The following ANKS6 variants were observed in gnomAD, a reference collection of about 807,000 sequenced individuals.
ANKS6 encodes the protein ankyrin repeat and SAM domain-containing protein 6.
Under a neutral mutation model 77.9 loss-of-function variants are expected in ANKS6, and 47 were observed. The ratio of observed to expected loss-of-function variants is 0.60; its 90% confidence interval spans 0.48 to 0.77. The LOEUF (loss-of-function observed/expected upper bound fraction) is 0.77, where lower values mean the gene tolerates loss of function less well. Ranked by LOEUF, ANKS6 falls within the 30% of genes least tolerant of loss-of-function variation. The probability of loss-of-function intolerance (pLI) is 0.00; values close to 1 mark genes in which losing one functional copy is unlikely to be tolerated. For synonymous variants in ANKS6, 488 were observed against 501.7 expected (o/e 0.97, Z 0.37); for missense variants, 1,150 against 1,159.1 (o/e 0.99, Z 0.11).
chr9:98,772,486 G>C (rs79151003), intron 9 of ANKS6, among the ~76,000 whole-genome samples: 2,170 of 152,290 alleles, frequency 0.014, 49 homozygotes, highest in African/African-American at 0.05. Flanking sequence ...CATGCAGTTT[G>C]TGGTGACTTG....
chr9:98,786,809 G>T (rs1296593906), intron 2 of ANKS6, among the ~76,000 whole-genome samples: 2 of 152,156 alleles, frequency 1.3e-5, no homozygotes, highest in African/African-American at 4.8e-5. Flanking sequence ...CTTAGTGTTG[G>T]CTGCTAAGCA....
At position 98,796,337 on chromosome 9, in the gene ANKS6, G is replaced by A. The variant is rs1422061469; in HGVS notation, c.155C>T (p.Ala52Val). 16 of 1,187,096 alleles carry A rather than the reference G, an allele frequency of 1.3e-5. No individual in the cohort carries two copies. Among genetic ancestry groups the A allele is most frequent in the Middle Eastern group, 3.4e-4 (1 of 2,968 alleles). The allele number at this position is 1,187,096 out of a possible 1,614,324, so 73.5% of individuals were successfully genotyped here. A position where few individuals can be genotyped will look rare whatever the true frequency, so the allele number is the denominator to read the frequency against. Residue 52 changes from alanine to valine, a missense_variant, in exon 1 of 15, where the codon GCC becomes GTC. Physicochemically the swap from Ala to Val is moderately conservative, Grantham distance 64 (BLOSUM62 0). Transcript: ENST00000353234. ...TGCGGCCCCGGGCCCGGCCACCTCG[G>A]CCCCCGCCGGCTCCGCGCCCGCCTC... ...EPEAGAEPAGAEVAGPGAAAA... is the reference protein window; with the variant it reads ...EPEAGAEPAGVEVAGPGAAAA...
intron 5 of ANKS6, among the ~76,000 whole-genome samples, chr9:98,781,745 G>A (rs1026258170): frequency 5.3e-5 from 8 of 152,190 alleles, no homozygotes; most frequent in African/African-American, 1.7e-4. Flanking sequence ...GGTGACTTGT[G>A]ACTGCAGAGG....
intron 9 of ANKS6, among the ~76,000 whole-genome samples, chr9:98,772,835 C>T (rs1833713178): frequency 6.6e-6 from 1 of 152,232 alleles, no homozygotes; most frequent in African/African-American, 2.4e-5. Context: ...CCCTACCACA[C>T]ACGGTCACCT....
At chr9:98,790,047 G>A in intron 2 of ANKS6, 57 bp downstream of exon 2, 2 of 1,515,178 alleles carry the variant, frequency 1.3e-6, no homozygotes, top group Non-Finnish European at 1.8e-6. Flanking sequence ...CTCAGCTTAA[G>A]CCACATAAAC....
At position 98,783,975 on chromosome 9, in the gene ANKS6, G is replaced by C; in HGVS notation, c.1090C>G (p.Leu364Val). Residue 364 changes from leucine (L) to valine (V), a missense_variant, in exon 4 of 15, where the codon CTC (leucine) becomes GTC (valine). Coordinates refer to ENST00000353234, the MANE Select transcript of ANKS6 (RefSeq NM_173551.5). ...GACCCATGGTAGGTTGCCTGCATGA[G>C]GGCCGTCCAGCCATGCACGCTGTCC... Reference protein sequence around the residue: ...KQDSVHGWTALMQATYHGNKE... With the variant: ...KQDSVHGWTAVMQATYHGNKE... The C allele has an allele frequency of 1.2e-6, 2 of 1,600,960 alleles. No individual in the cohort carries two copies. Among genetic ancestry groups the C allele is most frequent in the Non-Finnish European group, 1.7e-6 (2 of 1,174,840 alleles).
At position 98,733,948 on chromosome 9, in the gene ANKS6, C is replaced by T; in HGVS notation, c.*2571G>A. 1.0e-6 allele frequency: 1 copy of T among 985,314 alleles called. No individual in the cohort carries two copies. The highest frequency in any genetic ancestry group is 4.7e-5 in the South Asian group (1 of 21,268). The allele number at this position is 985,314 out of a possible 1,614,324, so 61.0% of individuals were successfully genotyped here. On this transcript the variant is annotated 3_prime_UTR_variant, in exon 15 of 15. Transcript: ENST00000353234. ...AGGTGCTTCTTGTGGGGGGAACAGC[C>T]ACAGGCAGGCTGGGGACACGTGTGG...
Position 98,736,102 on chromosome 9 carries a change from C to T in ANKS6, c.*417G>A. On this transcript the variant is annotated 3_prime_UTR_variant, in exon 15 of 15. Transcript: ENST00000353234. Reference sequence around the variant, plus strand: ...GGTGGGGCCACATGACTACCAGTGGCCAAGAGGACGTGAGCAGGAGTGATG... The same window carrying T: ...GGTGGGGCCACATGACTACCAGTGGTCAAGAGGACGTGAGCAGGAGTGATG... 1 of 1,153,524 alleles carries T rather than the reference C, an allele frequency of 8.7e-7. No homozygotes were observed. Among genetic ancestry groups the T allele is most frequent in the African/African-American group, 1.6e-5 (1 of 62,890 alleles). 71.5% of individuals were successfully genotyped at this position (1,153,524 alleles called of 1,614,324 possible). A position where few individuals can be genotyped will look rare whatever the true frequency, so the allele number is the denominator to read the frequency against.
Position 98,781,100 on chromosome 9 carries a change from A to G in ANKS6, c.1220-763T>C, listed in dbSNP as rs141295011. Among the ~76,000 whole-genome samples, 351 of 152,224 alleles carry G rather than the reference A, an allele frequency of 2.3e-3. 1 individual carries two copies. Among genetic ancestry groups the G allele is most frequent in the African/African-American group, 8.2e-3 (340 of 41,548 alleles). On this transcript the variant is annotated intron_variant, in intron 5 of 14. Coordinates refer to ENST00000353234, the MANE Select transcript of ANKS6 (RefSeq NM_173551.5). ...TTTTTAGTAGAGATGGGGTTTCGTC[A>G]TGTTGGCCAGGCTGGTCTCGAACCC... is the stretch of plus-strand genomic sequence containing the variant.
At chr9:98,745,831 C>T (rs543621542) in intron 13 of ANKS6, among the ~76,000 whole-genome samples, 156 bp from the exon 14 acceptor site, 25 of 152,240 alleles carry the variant, frequency 1.6e-4, no homozygotes, top group Admixed American at 6.5e-4. Flanking sequence ...TTTAGAGTTT[C>T]GTTGAAAACA....
At chr9:98,774,326 G>C (rs940369609) in intron 8 of ANKS6, among the ~76,000 whole-genome samples, 6 of 152,218 alleles carry the variant, frequency 3.9e-5, no homozygotes, top group African/African-American at 1.4e-4. Context: ...TGGGGCAGAG[G>C]AGACAGAGCG....
intron 11 of ANKS6, among the ~76,000 whole-genome samples, chr9:98,761,996 T>C (rs1294213984): frequency 3.9e-5 from 6 of 152,188 alleles, no homozygotes. Flanking sequence ...TTGCAGAGAA[T>C]TGGTATCTTC....
chr9:98,745,621 T>C lies in ANKS6; in HGVS notation c.2449A>G (p.Ile817Val). Residue 817 changes from isoleucine (I) to valine (V), a missense_variant, in exon 14 of 15, where the codon ATT (isoleucine) becomes GTT (valine). Physicochemically the swap from Ile to Val is conservative, Grantham distance 29. Transcript: ENST00000353234. ...LTDGDLKELG[I>V]KTDGSRQQIL... is the part of the protein sequence containing the mutation. ...TGCTGCCTGGACCCATCTGTCTTAATTCCCAGCTCCTTCAAGTCACCGTCA... is the reference window on the plus strand; with the variant it reads ...TGCTGCCTGGACCCATCTGTCTTAACTCCCAGCTCCTTCAAGTCACCGTCA... 1.9e-6 allele frequency: 3 copies of C among 1,614,200 alleles called. No individual in the cohort carries two copies. The highest frequency in any genetic ancestry group is 2.2e-5 in the East Asian group (1 of 44,886).
At chr9:98,766,941 C>T (rs914248362) in intron 11 of ANKS6, among the ~76,000 whole-genome samples, 1 of 152,258 alleles carries the variant, frequency 6.6e-6, no homozygotes, top group African/African-American at 2.4e-5. Context: ...GACATAGAGT[C>T]CCCTCAGAGG....
chr9:98,735,047 G>A lies in ANKS6; in HGVS notation c.*1472C>T. On this transcript the variant is annotated 3_prime_UTR_variant, in exon 15 of 15. Coordinates refer to ENST00000353234, the MANE Select transcript of ANKS6 (RefSeq NM_173551.5). ...TTTCATGGCTGGGGGAGGGACAGAT[G>A]AGAGATGGCACCTCCCAAGGAGACC... 1.0e-6 allele frequency: 1 copy of A among 985,412 alleles called. No homozygotes were observed. The highest frequency in any genetic ancestry group is 1.2e-6 in the Non-Finnish European group (1 of 829,934). 61.0% of individuals were successfully genotyped at this position (985,412 alleles called of 1,614,324 possible). A position where few individuals can be genotyped will look rare whatever the true frequency, so the allele number is the denominator to read the frequency against.
chr9:98,734,254 TC>T lies in ANKS6; in HGVS notation c.*2264del. On this transcript the variant is annotated 3_prime_UTR_variant, in exon 15 of 15. Transcript: ENST00000353234. Reference sequence around the variant, plus strand: ...AAGGCATTGTCTGGAGCCTCTGCTGTCCTGTCTGCAAAATGGGAATAGCCCC... The same window carrying T: ...AAGGCATTGTCTGGAGCCTCTGCTGTCTGTCTGCAAAATGGGAATAGCCCC... The T allele has an allele frequency of 1.0e-6, 1 of 985,484 alleles. No homozygotes were observed. Among genetic ancestry groups the T allele is most frequent in the African/African-American group, 1.7e-5 (1 of 57,346 alleles). 61.0% of individuals were successfully genotyped at this position (985,484 alleles called of 1,614,324 possible).
chr9:98,742,806 T>C (rs183766857), intron 14 of ANKS6, among the ~76,000 whole-genome samples: 112 of 124,474 alleles, frequency 9.0e-4, no homozygotes, highest in Non-Finnish European at 1.4e-3. Context: ...GGGGCCTGTT[T>C]AGTATAGGAT....
chr9:98,756,302 ATCT>A (rs1441962451), intron 12 of ANKS6, 115 bp downstream of exon 12: 9 of 1,138,494 alleles, frequency 7.9e-6, no homozygotes, highest in African/African-American at 3.2e-5. Context: ...TTTGTCGTAA[ATCT>A]TCTTAAAACC....
At chr9:98,759,852 A>G (rs990407497) in intron 11 of ANKS6, among the ~76,000 whole-genome samples, 1 of 152,206 alleles carries the variant, frequency 6.6e-6, no homozygotes, top group Non-Finnish European at 1.5e-5. Context: ...GAGAGACAGG[A>G]AGAGATTTGT....
Sources: gnomAD v4.1 joint callset for allele counts (sites outside exome capture counted in the v4.1 genomes callset) on GRCh38, gnomAD v4.1.1 for gene constraint, MANE v1.5 for transcripts, NCBI Gene and HGNC (gene_info 2026-07-23, HGNC 2026-07-21) for gene names.